Variants in KLRG1 observed in about 807,000 individuals in gnomAD.
KLRG1 encodes killer cell lectin like receptor G1.
A neutral mutation model predicts 21.8 loss-of-function variants in KLRG1; 16 were observed. The observed-to-expected ratio is 0.73, with a 90% CI of 0.50 to 1.11. The LOEUF (loss-of-function observed/expected upper bound fraction) is 1.11, where lower values mean the gene tolerates loss of function less well. Ranked by LOEUF, KLRG1 falls within the 50% of genes most tolerant of loss-of-function variation. The pLI is 0.00. For synonymous variants in KLRG1, 69 were observed against 75.9 expected, an observed-to-expected ratio of 0.91 and a Z score of 0.47; for missense variants, 173 against 218.3, an observed-to-expected ratio of 0.79 and a Z score of 1.31.
intron 1 of KLRG1, among the ~76,000 whole-genome samples, chr12:8,977,443 T>A (rs1247718465): frequency 6.8e-6 from 1 of 148,090 alleles, no homozygotes; most frequent in Non-Finnish European, 1.5e-5. Flanking sequence ...CTCGATCTCC[T>A]GACCTTGTGA....
At chr12:8,973,163 GAAAAAAAA>G (rs59760555) in intron 1 of KLRG1, among the ~76,000 whole-genome samples, 34 of 97,030 alleles carry the variant, frequency 3.5e-4, no homozygotes, top group South Asian at 6.5e-4. Flanking sequence ...CATCTCAAAA[GAAAAAAAA>G]AAAAAAAAAA....
At chr12:9,131,690 A>G in the KLRG1 span, among the ~76,000 whole-genome samples, 1 of 152,140 alleles carries the variant, frequency 6.6e-6, no homozygotes, top group East Asian at 1.9e-4. Flanking sequence ...TCAGTTAATG[A>G]TGAAAGGGTA....
Position 8,996,263 on chromosome 12 carries a change from C to T in KLRG1, c.357+975C>T, listed in dbSNP as rs2137360181. The stretch of plus-strand genomic sequence containing the variant: ...AAAGAGCTTGCTATTGGTCCTAGAC[C>T]ATCTCAAGGCAATACAAGGAACTGA... On this transcript the variant is annotated intron_variant, in intron 3 of 4. Coordinates refer to ENST00000356986, the MANE Select transcript of KLRG1 (RefSeq NM_005810.4). Among the ~76,000 whole-genome samples the T allele has an allele frequency of 2.0e-5, 3 of 152,230 alleles. No homozygotes were observed. In the South Asian group the frequency reaches 6.2e-4, roughly 32 times the overall value.
At chr12:9,057,074 CATG>C in the KLRG1 span, among the ~76,000 whole-genome samples, 7 of 152,016 alleles carry the variant, frequency 4.6e-5, no homozygotes, top group African/African-American at 1.2e-4. Flanking sequence ...TATCAATATA[CATG>C]TATATTACAG....
the KLRG1 span, chr12:9,068,599 GA>G: frequency 1.4e-6 from 1 of 710,764 alleles, no homozygotes; most frequent in South Asian, 1.8e-5. Flanking sequence ...GAGACAAAAA[GA>G]GGGGCATCAG....
chr12:9,069,538 A>G, the KLRG1 span, among the ~76,000 whole-genome samples: 1 of 152,220 alleles, frequency 6.6e-6, no homozygotes, highest in Non-Finnish European at 1.5e-5. Flanking sequence ...GAATATTCAT[A>G]TCCCAAGATC....
At chr12:9,190,026 G>A in the KLRG1 span, among the ~76,000 whole-genome samples, 1 of 152,090 alleles carries the variant, frequency 6.6e-6, no homozygotes, top group East Asian at 1.9e-4. Context: ...AAAAGGGAAT[G>A]CTTATACACT....
the KLRG1 span, among the ~76,000 whole-genome samples, chr12:9,054,769 A>G: frequency 1.3e-5 from 2 of 152,296 alleles, no homozygotes; most frequent in South Asian, 4.1e-4. Context: ...AATGGTGTTA[A>G]GAGAGGATCT....
At chr12:9,166,941 C>T in the KLRG1 span, 1 of 152,296 alleles carries the variant, frequency 6.6e-6, no homozygotes, top group South Asian at 2.1e-4. Flanking sequence ...CCATGTATCC[C>T]ATCTGATATT....
the KLRG1 span, among the ~76,000 whole-genome samples, chr12:9,146,515 A>G: frequency 1.3e-5 from 2 of 151,996 alleles, no homozygotes; most frequent in African/African-American, 4.8e-5. Flanking sequence ...TAATTTCTAG[A>G]ATGTATTTTG....
At chr12:9,159,526 C>G in the KLRG1 span, among the ~76,000 whole-genome samples, 1 of 151,896 alleles carries the variant, frequency 6.6e-6, no homozygotes, top group Non-Finnish European at 1.5e-5. Context: ...GGGTTCTGCT[C>G]TCATGAATGG....
chr12:9,158,683 A>G, the KLRG1 span: 6 of 1,100,156 alleles, frequency 5.5e-6, no homozygotes, highest in Non-Finnish European at 7.4e-6. Context: ...AAGAAAGTCA[A>G]TCAGCTGTTA....
the KLRG1 span, chr12:9,089,064 T>C: frequency 1.4e-6 from 1 of 704,196 alleles, no homozygotes; most frequent in Non-Finnish European, 2.3e-6. Context: ...AAGAACTATT[T>C]TCCACATTTG....
chr12:9,208,384 C>A, the KLRG1 span: 1 of 1,534,342 alleles, frequency 6.5e-7, no homozygotes. Flanking sequence ...TCTCTGCCCT[C>A]AGCCTCGCCC....
upstream of KLRG1, among the ~76,000 whole-genome samples, chr12:8,985,577 G>T (rs1946830474): frequency 6.6e-6 from 1 of 152,184 alleles, no homozygotes; most frequent in Admixed American, 6.5e-5. Context: ...TTCAAGTTGG[G>T]ATTTCCACAA....
the KLRG1 span, among the ~76,000 whole-genome samples, chr12:9,110,679 T>C: frequency 2.0e-5 from 3 of 152,062 alleles, no homozygotes; most frequent in African/African-American, 7.2e-5. Flanking sequence ...AACCCATAAA[T>C]ATATATACCT....
the KLRG1 span, among the ~76,000 whole-genome samples, chr12:9,134,568 C>G: frequency 6.6e-5 from 10 of 152,092 alleles, 1 homozygote; most frequent in Non-Finnish European, 1.3e-4. Context: ...TTACAAACTC[C>G]CCGTTCCCTC....
At chr12:9,162,364 G>A in the KLRG1 span, 1 of 476,238 alleles carries the variant, frequency 2.1e-6, no homozygotes, top group Non-Finnish European at 3.7e-6. Flanking sequence ...GGCTACGTAT[G>A]AACCAAGAAA....
At chr12:9,078,458 A>C in the KLRG1 span, among the ~76,000 whole-genome samples, 1 of 152,280 alleles carries the variant, frequency 6.6e-6, no homozygotes, top group Admixed American at 6.5e-5. Context: ...CATTTGGGTT[A>C]GTTCCATGAC....
Sources: allele counts gnomAD v4.1 joint callset (sites outside exome capture counted in the v4.1 genomes callset), GRCh38; gene constraint gnomAD v4.1.1; transcripts MANE v1.5; gene names NCBI Gene and HGNC (gene_info 2026-07-23, HGNC 2026-07-21).